EXOC4: variants seen among roughly 807,000 people sequenced by gnomAD.
The protein encoded by EXOC4 is exocyst complex component 4.
A neutral mutation model predicts 107.2 loss-of-function variants in EXOC4; 71 were observed. The ratio of observed to expected loss-of-function variants is 0.66; its 90% CI spans 0.55 to 0.81. The LOEUF (loss-of-function observed/expected upper bound fraction) is 0.81, where lower values mean the gene tolerates loss of function less well. EXOC4 is among the 30% of genes least tolerant of loss of function. The probability of loss-of-function intolerance (pLI) is 0.00; values close to 1 mark genes in which losing one functional copy is unlikely to be tolerated. For missense variants in EXOC4, 1,108 were observed against 1,189.6 expected (o/e 0.93, Z 1.01); for synonymous variants, 456 against 441.2 (o/e 1.03, Z -0.42).
chr7:133,753,195 A>G (rs1795830072), intron 10 of EXOC4, among the ~76,000 whole-genome samples: 1 of 152,354 alleles, frequency 6.6e-6, no homozygotes, highest in East Asian at 1.9e-4. Flanking sequence ...GTATAAATAT[A>G]GAAAACTTGA....
intron 4 of EXOC4, among the ~76,000 whole-genome samples, chr7:133,310,812 G>A (rs748313577): frequency 6.6e-6 from 1 of 152,166 alleles, no homozygotes; most frequent in Non-Finnish European, 1.5e-5. Context: ...GCTGAGCCTG[G>A]GTAATGCCTG....
At chr7:133,726,413 G>A (rs112404008) in intron 10 of EXOC4, among the ~76,000 whole-genome samples, 6 of 152,264 alleles carry the variant, frequency 3.9e-5, no homozygotes, top group East Asian at 3.9e-4. Context: ...AACTGGGTAC[G>A]TGCTATTCTA....
At chr7:133,442,536 A>G (rs1173046457) in intron 7 of EXOC4, among the ~76,000 whole-genome samples, 1 of 152,170 alleles carries the variant, frequency 6.6e-6, no homozygotes, top group African/African-American at 2.4e-5. Flanking sequence ...TCGAGGCATG[A>G]AGTGATGCCT....
chr7:134,035,901 A>T (rs1259974750), intron 17 of EXOC4, among the ~76,000 whole-genome samples: 2 of 152,142 alleles, frequency 1.3e-5, no homozygotes, highest in East Asian at 3.9e-4. Context: ...GCAGTTCCTC[A>T]GCTGACTTCC....
chr7:133,345,498 T>C (rs1795763560), intron 5 of EXOC4, among the ~76,000 whole-genome samples: 1 of 152,228 alleles, frequency 6.6e-6, no homozygotes, highest in African/African-American at 2.4e-5. Context: ...AGTCCTGTTA[T>C]ATTTTTAGTA....
chr7:133,632,727 G>T (rs1305724032), intron 10 of EXOC4, among the ~76,000 whole-genome samples: 2 of 151,712 alleles, frequency 1.3e-5, no homozygotes, highest in Admixed American at 6.6e-5. Context: ...TACTTATGAT[G>T]CATATTTTCC....
chr7:133,849,083 A>G (rs142393972), intron 11 of EXOC4, among the ~76,000 whole-genome samples: 1 of 152,302 alleles, frequency 6.6e-6, no homozygotes, highest in Non-Finnish European at 1.5e-5. Context: ...ACAGTAGCAC[A>G]CCATTATACA....
At chr7:133,582,683 A>G (rs925989219) in intron 9 of EXOC4, among the ~76,000 whole-genome samples, 3 of 152,172 alleles carry the variant, frequency 2.0e-5, no homozygotes, top group Admixed American at 2.0e-4. Flanking sequence ...TTTAGTATAA[A>G]TATGAATAAT....
intron 14 of EXOC4, among the ~76,000 whole-genome samples, chr7:133,942,790 T>C (rs1291173691): frequency 6.6e-6 from 1 of 152,228 alleles, no homozygotes; most frequent in Non-Finnish European, 1.5e-5. Context: ...GTTGTGGTCA[T>C]TTCTGATCAT....
intron 7 of EXOC4, among the ~76,000 whole-genome samples, chr7:133,474,326 A>AT (rs1224330666): frequency 6.6e-6 from 1 of 151,310 alleles, no homozygotes; most frequent in African/African-American, 2.4e-5. Context: ...TAACTTTTTA[A>AT]TTTTTTTGAG....
intron 10 of EXOC4, among the ~76,000 whole-genome samples, chr7:133,695,469 T>A (rs1351185821): frequency 1.3e-5 from 2 of 152,160 alleles, no homozygotes; most frequent in Admixed American, 1.3e-4. Context: ...TGATTTTTTT[T>A]ATTATATGTC....
intron 17 of EXOC4, among the ~76,000 whole-genome samples, chr7:134,059,407 C>G (rs1184862909): frequency 1.3e-5 from 2 of 152,032 alleles, no homozygotes; most frequent in African/African-American, 4.8e-5. Flanking sequence ...CACTAATACT[C>G]AAAGATAAAA....
chr7:134,083,052 A>C, the EXOC4 span, among the ~76,000 whole-genome samples: 3 of 152,220 alleles, frequency 2.0e-5, no homozygotes, highest in African/African-American at 7.2e-5. Context: ...ATCTTTCTGG[A>C]ATACAATTTG....
intron 5 of EXOC4, 75 bp downstream of exon 5, chr7:133,317,465 T>C (rs940602426): frequency 3.2e-5 from 34 of 1,068,428 alleles, no homozygotes; most frequent in South Asian, 1.8e-4. Context: ...GAGGAGCTTT[T>C]TGGGGGCTGA....
intron 12 of EXOC4, among the ~76,000 whole-genome samples, chr7:133,904,841 A>T (rs1332701518): frequency 6.6e-6 from 1 of 152,186 alleles, no homozygotes; most frequent in East Asian, 1.9e-4. Flanking sequence ...TTCTTATTGT[A>T]TGACTCTGAA....
chr7:133,794,669 C>T (rs1796775849), intron 10 of EXOC4, among the ~76,000 whole-genome samples: 2 of 152,132 alleles, frequency 1.3e-5, no homozygotes, highest in African/African-American at 4.8e-5. Flanking sequence ...GGAAGCTATC[C>T]AGGCTGCTGA....
intron 11 of EXOC4, among the ~76,000 whole-genome samples, chr7:133,852,358 G>T (rs1225989443): frequency 6.6e-6 from 1 of 151,982 alleles, no homozygotes; most frequent in Non-Finnish European, 1.5e-5. Context: ...GAGTAGCTGG[G>T]ATTACATATA....
chr7:133,778,267 T>C (rs772736758), intron 10 of EXOC4, among the ~76,000 whole-genome samples: 2 of 152,160 alleles, frequency 1.3e-5, no homozygotes, highest in African/African-American at 4.8e-5. Flanking sequence ...CTTATTAACT[T>C]TGAACAGGAC....
At chr7:133,877,121 T>C (rs1798867140) in intron 11 of EXOC4, among the ~76,000 whole-genome samples, 1 of 152,144 alleles carries the variant, frequency 6.6e-6, no homozygotes, top group African/African-American at 2.4e-5. Flanking sequence ...CTGTGTTTTA[T>C]TTGGAATAGT....
Sources: allele counts gnomAD v4.1 joint callset (sites outside exome capture counted in the v4.1 genomes callset), GRCh38; gene constraint gnomAD v4.1.1; transcripts MANE v1.5; gene names NCBI Gene and HGNC (gene_info 2026-07-23, HGNC 2026-07-21).